Variants in RBFOX1 observed in about 807,000 individuals in gnomAD.
RBFOX1 encodes the protein RNA binding fox-1 homolog 1.
In RBFOX1, 8 loss-of-function variants were observed where a neutral mutation model predicts 57.7. The ratio of observed to expected loss-of-function variants is 0.14; its 90% CI spans 0.08 to 0.25. RBFOX1 has a LOEUF of 0.25. RBFOX1 is among the 10% of genes least tolerant of loss of function. RBFOX1 has a pLI of 1.00. For synonymous variants in RBFOX1, 326 were observed against 222.4 expected (o/e 1.47, Z -4.15); for missense variants, 611 against 548.5 (o/e 1.11, Z -1.14).
intron 13 of RBFOX1, among the ~76,000 whole-genome samples, chr16:7,665,785 G>T (rs1196531130): frequency 6.6e-6 from 1 of 152,060 alleles, no homozygotes; most frequent in East Asian, 1.9e-4. Flanking sequence ...CTCAGTCAAT[G>T]GGATTATATT....
intron 3 of RBFOX1, among the ~76,000 whole-genome samples, chr16:5,614,772 G>C (rs1001958036): frequency 1.3e-5 from 2 of 152,182 alleles, no homozygotes; most frequent in African/African-American, 2.4e-5. Context: ...CTATGGGTGA[G>C]TGAAGGTGCA....
At chr16:6,635,962 A>C (rs1401785604) in intron 2 of RBFOX1, among the ~76,000 whole-genome samples, 4 of 152,192 alleles carry the variant, frequency 2.6e-5, no homozygotes, top group African/African-American at 9.6e-5. Flanking sequence ...ACCCAAGTTG[A>C]GAACCGTCAT....
intron 3 of RBFOX1, among the ~76,000 whole-genome samples, chr16:6,982,220 A>G (rs553621834): frequency 9.8e-5 from 15 of 152,306 alleles, no homozygotes; most frequent in African/African-American, 3.6e-4. Flanking sequence ...GTGGTTGGCT[A>G]TCAGGTACCC....
intron 4 of RBFOX1, among the ~76,000 whole-genome samples, chr16:7,234,372 C>A (rs1399862629): frequency 6.6e-6 from 1 of 152,064 alleles, no homozygotes; most frequent in African/African-American, 2.4e-5. Context: ...TGGTTCCACC[C>A]CTTTGCCAGC....
At chr16:6,716,802 TAA>T (rs1568333360) in intron 3 of RBFOX1, among the ~76,000 whole-genome samples, 2 of 152,038 alleles carry the variant, frequency 1.3e-5, no homozygotes, top group Non-Finnish European at 2.9e-5. Context: ...TAACAGGATA[TAA>T]GTTTGGGACA....
intron 4 of RBFOX1, among the ~76,000 whole-genome samples, chr16:7,428,981 C>T (rs1420044726): frequency 1.3e-5 from 2 of 152,104 alleles, no homozygotes; most frequent in African/African-American, 4.8e-5. Context: ...AAAAGTGTAT[C>T]AACAGACAGG....
intron 4 of RBFOX1, among the ~76,000 whole-genome samples, chr16:7,309,165 AC>A (rs1419564873): frequency 3.3e-5 from 5 of 152,210 alleles, no homozygotes; most frequent in African/African-American, 1.2e-4. Context: ...GGGATGTCTT[AC>A]GTCGTAAATT....
intron 3 of RBFOX1, among the ~76,000 whole-genome samples, chr16:5,753,216 A>G (rs2053273810): frequency 6.6e-6 from 1 of 152,128 alleles, no homozygotes; most frequent in South Asian, 2.1e-4. Flanking sequence ...AACTTCAATA[A>G]TGGTCCTTTT....
At chr16:7,274,010 C>T (rs2095392163) in intron 4 of RBFOX1, among the ~76,000 whole-genome samples, 2 of 152,286 alleles carry the variant, frequency 1.3e-5, no homozygotes, top group Admixed American at 6.5e-5. Flanking sequence ...CCCTCCTTTC[C>T]ACTAAGTAAA....
chr16:6,914,209 G>GT (rs2072489489), intron 3 of RBFOX1, among the ~76,000 whole-genome samples: 1 of 152,100 alleles, frequency 6.6e-6, no homozygotes. Context: ...ACCTCACTGA[G>GT]TTTAGCATAT....
At chr16:6,211,776 A>G (rs1266530576) in intron 1 of RBFOX1, among the ~76,000 whole-genome samples, 1 of 151,846 alleles carries the variant, frequency 6.6e-6, no homozygotes, top group Admixed American at 6.6e-5. Context: ...TAAATGTGAA[A>G]CCTATCAAAT....
intron 4 of RBFOX1, among the ~76,000 whole-genome samples, chr16:7,315,116 C>G (rs1422637585): frequency 6.7e-6 from 1 of 149,172 alleles, no homozygotes; most frequent in Non-Finnish European, 1.5e-5. Flanking sequence ...ATGAATTGCA[C>G]TTGTACTTGT....
At chr16:6,933,313 A>C (rs1179635063) in intron 3 of RBFOX1, among the ~76,000 whole-genome samples, 1 of 152,222 alleles carries the variant, frequency 6.6e-6, no homozygotes, top group African/African-American at 2.4e-5. Flanking sequence ...AGTAACCGAC[A>C]TACTCTTTTC....
At chr16:7,098,046 G>A (rs1378249598) in intron 4 of RBFOX1, among the ~76,000 whole-genome samples, 1 of 152,200 alleles carries the variant, frequency 6.6e-6, no homozygotes, top group Non-Finnish European at 1.5e-5. Flanking sequence ...TTCAAGTAAA[G>A]CCAGTGTTGT....
chr16:6,671,537 T>C (rs1232501794), intron 3 of RBFOX1, among the ~76,000 whole-genome samples: 1 of 152,196 alleles, frequency 6.6e-6, no homozygotes. Context: ...GGACTGAGTT[T>C]GGGCAAGTTC....
At chr16:7,655,836 C>A (rs930871714) in intron 12 of RBFOX1, among the ~76,000 whole-genome samples, 5 of 152,196 alleles carry the variant, frequency 3.3e-5, no homozygotes, top group Non-Finnish European at 5.9e-5. Context: ...TTTATCCTCA[C>A]ATGACCAATT....
At chr16:6,402,947 T>G (rs1173085117) in intron 2 of RBFOX1, among the ~76,000 whole-genome samples, 2 of 152,228 alleles carry the variant, frequency 1.3e-5, no homozygotes, top group East Asian at 3.8e-4. Context: ...TTTTGTGGAT[T>G]AATACATCAC....
chr16:6,993,249 C>T (rs74010432), intron 3 of RBFOX1, among the ~76,000 whole-genome samples: 5,622 of 152,274 alleles, frequency 0.037, 361 homozygotes, highest in African/African-American at 0.13. Flanking sequence ...GGGGACCCTG[C>T]ACACACCTTC....
At chr16:7,087,051 T>C (rs1168495220) in intron 4 of RBFOX1, among the ~76,000 whole-genome samples, 1 of 152,146 alleles carries the variant, frequency 6.6e-6, no homozygotes, top group Non-Finnish European at 1.5e-5. Context: ...CGTCGGTAGA[T>C]GGCTGTAGAC....
Sources: allele counts gnomAD v4.1 joint callset (sites outside exome capture counted in the v4.1 genomes callset), GRCh38; gene constraint gnomAD v4.1.1; transcripts MANE v1.5; gene names NCBI Gene and HGNC (gene_info 2026-07-23, HGNC 2026-07-21).